The following LRP1B variants were observed in gnomAD, a reference collection of about 807,000 sequenced individuals.
LRP1B encodes the protein low-density lipoprotein receptor-related protein 1B.
A neutral mutation model predicts 556.6 loss-of-function variants in LRP1B; 217 were observed. The observed-to-expected ratio is 0.39, with a 90% CI of 0.35 to 0.44. The LOEUF (loss-of-function observed/expected upper bound fraction) is 0.44, where lower values mean the gene tolerates loss of function less well. Among genes scored for constraint, LRP1B ranks in the 20% least tolerant of loss-of-function variants. The pLI is 1.00. For synonymous variants in LRP1B, 2,047 were observed against 1,865.8 expected (o/e 1.10, Z -2.50); for missense variants, 5,053 against 5,620.8 (o/e 0.90, Z 3.23).
chr2:141,882,644 G>A (rs1698991542), intron 1 of LRP1B, among the ~76,000 whole-genome samples: 1 of 152,218 alleles, frequency 6.6e-6, no homozygotes, highest in Non-Finnish European at 1.5e-5. Flanking sequence ...ATCATGGGCA[G>A]TAAACTGACT....
At chr2:141,628,719 G>A (rs982112245) in intron 2 of LRP1B, among the ~76,000 whole-genome samples, 1 of 151,740 alleles carries the variant, frequency 6.6e-6, no homozygotes, top group Non-Finnish European at 1.5e-5. Context: ...CACAATCTCA[G>A]CTCACCACAG....
chr2:141,684,767 A>T (rs1262424573), intron 2 of LRP1B, among the ~76,000 whole-genome samples: 1 of 152,008 alleles, frequency 6.6e-6, no homozygotes, highest in Non-Finnish European at 1.5e-5. Context: ...TGTGATATAC[A>T]TGGGAGATCC....
chr2:141,323,485 A>G (rs982057389), intron 3 of LRP1B, among the ~76,000 whole-genome samples: 2 of 152,128 alleles, frequency 1.3e-5, no homozygotes, highest in African/African-American at 4.8e-5. Flanking sequence ...GTCATGTAAG[A>G]TTAATTTTTT....
At chr2:140,982,860 T>C (rs1467874925) in intron 17 of LRP1B, among the ~76,000 whole-genome samples, 3 of 48,790 alleles carry the variant, frequency 6.1e-5, no homozygotes, top group African/African-American at 1.4e-4. Context: ...CCTTAAGGTG[T>C]TTTTTTTTTT....
chr2:140,573,056 A>G (rs968076746), intron 43 of LRP1B, among the ~76,000 whole-genome samples: 1 of 151,804 alleles, frequency 6.6e-6, no homozygotes, highest in Non-Finnish European at 1.5e-5. Context: ...TAGATAAGAG[A>G]GAAATAAGTT....
At chr2:140,488,648 A>C (rs937285529) in intron 57 of LRP1B, among the ~76,000 whole-genome samples, 1 of 152,158 alleles carries the variant, frequency 6.6e-6, no homozygotes, top group East Asian at 1.9e-4. Flanking sequence ...TACTACCTTA[A>C]GGACTGAGTA....
At chr2:140,646,402 C>A (rs1340260671) in intron 41 of LRP1B, among the ~76,000 whole-genome samples, 1 of 152,154 alleles carries the variant, frequency 6.6e-6, no homozygotes, top group Non-Finnish European at 1.5e-5. Flanking sequence ...CATTTCCCAT[C>A]CTCCTAATTT....
intron 67 of LRP1B, among the ~76,000 whole-genome samples, chr2:140,382,876 TATA>T (rs1347820324): frequency 6.6e-6 from 1 of 152,152 alleles, no homozygotes; most frequent in Non-Finnish European, 1.5e-5. Flanking sequence ...TGCCATAAAT[TATA>T]ATATTTTTAC....
chr2:141,439,533 A>T lies in LRP1B; in HGVS notation c.343+40863T>A, dbSNP rs1680883106. Among the ~76,000 whole-genome samples the T allele has an allele frequency of 2.0e-5, 3 of 152,186 alleles. No individual in the cohort carries two copies. In the South Asian group the frequency reaches 6.2e-4, roughly 32 times the overall value. ...AAAACTGCAGCTATTGCTCTGTATAATTATACATTTTTCTCTAATTATACA... is the reference window on the plus strand; with the variant it reads ...AAAACTGCAGCTATTGCTCTGTATATTTATACATTTTTCTCTAATTATACA... On this transcript the variant is annotated intron_variant, in intron 3 of 90. Coordinates refer to ENST00000389484, the MANE Select transcript of LRP1B (RefSeq NM_018557.3).
rs432176 is a variant in LRP1B at position 141,270,032 on chromosome 2, T to C, written c.344-15391A>G. On this transcript the variant is annotated intron_variant, in intron 3 of 90. Coordinates refer to ENST00000389484, the MANE Select transcript of LRP1B (RefSeq NM_018557.3). ...GCAACCCATAGAATGACAGACAATA[T>C]TTGCAAATCATACACAATAAGGAAT... Among the ~76,000 whole-genome samples, 615 of 152,028 alleles carry C rather than the reference T, an allele frequency of 4.0e-3. 1 individual carries two copies. Among genetic ancestry groups the C allele is most frequent in the African/African-American group, 0.014 (586 of 41,498 alleles).
At chr2:141,627,038 A>C (rs10928114) in intron 2 of LRP1B, among the ~76,000 whole-genome samples, 1 of 152,102 alleles carries the variant, frequency 6.6e-6, no homozygotes, top group Non-Finnish European at 1.5e-5. Flanking sequence ...AAAATATAGA[A>C]GCAATCAAGA....
In LRP1B at chr2:140,843,447, T is replaced by G. The variant is rs144479566; in HGVS notation, c.4940-2355A>C. ...TTCAACAGCTTCTAGCCACCCAGAA[T>G]GTGATGTCTAAATTTCTTAGCCTGC... is the stretch of plus-strand genomic sequence containing the variant. On this transcript the variant is annotated intron_variant, in intron 29 of 90. Coordinates refer to ENST00000389484, the MANE Select transcript of LRP1B (RefSeq NM_018557.3). Among the ~76,000 whole-genome samples, 356 of 152,264 alleles carry G rather than the reference T, an allele frequency of 2.3e-3. 1 individual carries two copies. The highest frequency in any genetic ancestry group is 8.3e-3 in the African/African-American group (343 of 41,552).
intron 79 of LRP1B, among the ~76,000 whole-genome samples, chr2:140,331,629 G>A (rs1266729379): frequency 6.7e-6 from 1 of 150,126 alleles, no homozygotes; most frequent in Non-Finnish European, 1.5e-5. Flanking sequence ...CTGGCTCAGA[G>A]GACTATATTA....
chr2:141,100,599 CT>C (rs1053071441), intron 7 of LRP1B, among the ~76,000 whole-genome samples: 1 of 152,118 alleles, frequency 6.6e-6, no homozygotes, highest in African/African-American at 2.4e-5. Context: ...GTAGAGATAT[CT>C]CAACAGAATC....
At chr2:140,827,489 A>G (rs986724540) in intron 31 of LRP1B, among the ~76,000 whole-genome samples, 9 of 152,056 alleles carry the variant, frequency 5.9e-5, no homozygotes, top group African/African-American at 2.2e-4. Context: ...TAAAAAATGT[A>G]CTAGAGGCAA....
At chr2:141,960,506 C>A (rs886580171) in intron 1 of LRP1B, among the ~76,000 whole-genome samples, 2 of 151,792 alleles carry the variant, frequency 1.3e-5, no homozygotes, top group African/African-American at 2.4e-5. Flanking sequence ...TTACTATTTC[C>A]GACTTTTATA....
chr2:140,773,308 AT>A (rs1248677530), intron 33 of LRP1B, among the ~76,000 whole-genome samples: 3 of 152,056 alleles, frequency 2.0e-5, no homozygotes, highest in Non-Finnish European at 4.4e-5. Context: ...CTGCTAAAAA[AT>A]CCAAAAACAA....
chr2:141,544,324 TCTTCTTCTTCTTC>T (rs1559130964), intron 2 of LRP1B, among the ~76,000 whole-genome samples: 1 of 54,768 alleles, frequency 1.8e-5, no homozygotes, highest in African/African-American at 8.1e-5. Flanking sequence ...TTCTTCTTCT[TCTTCTTCTTCTTC>T]TTCTTCTTCT....
rs184043442 is a variant in LRP1B, at chr2:140,321,597, T to G, written c.12640+366A>C. On this transcript the variant is annotated intron_variant, in intron 82 of 90. Transcript: ENST00000389484. ...ACACAAGAGGTAATCAATAGAAATG[T>G]ATTGAATAAATAAATGGATTTTGGG... 2.6e-3 allele frequency among the ~76,000 whole-genome samples: 401 copies of G among 152,154 alleles called. 1 individual carries two copies. The highest frequency in any genetic ancestry group is 9.5e-3 in the African/African-American group (393 of 41,546).
Sources: gnomAD v4.1 joint callset for allele counts (sites outside exome capture counted in the v4.1 genomes callset) on GRCh38, gnomAD v4.1.1 for gene constraint, MANE v1.5 for transcripts, NCBI Gene and HGNC (gene_info 2026-07-23, HGNC 2026-07-21) for gene names.